The following MYO5B variants were observed in gnomAD, a reference collection of about 807,000 sequenced individuals.
The protein encoded by MYO5B is unconventional myosin-Vb.
A neutral mutation model predicts 229.3 loss-of-function variants in MYO5B; 143 were observed. The observed-to-expected ratio is 0.62, with a 90% CI of 0.54 to 0.72. The LOEUF is 0.72. MYO5B is among the 30% of genes least tolerant of loss of function. The probability of loss-of-function intolerance (pLI) is 0.00; values close to 1 mark genes in which losing one functional copy is unlikely to be tolerated. For synonymous variants in MYO5B, 918 were observed against 885.2 expected (o/e 1.04, Z -0.66); for missense variants, 2,321 against 2,331.0 (o/e 1.00, Z 0.09).
chr18:50,045,061 G>A (rs897850506), intron 2 of MYO5B, among the ~76,000 whole-genome samples: 1 of 152,184 alleles, frequency 6.6e-6, no homozygotes, highest in African/African-American at 2.4e-5. Context: ...GATGATTTCT[G>A]TTCTTGTCCT....
chr18:50,142,498 T>C (rs1326057598), intron 1 of MYO5B, among the ~76,000 whole-genome samples: 2 of 152,200 alleles, frequency 1.3e-5, no homozygotes, highest in African/African-American at 4.8e-5. Context: ...TCTACGTCTC[T>C]GACAAGGGCT....
chr18:50,047,120 AG>A (rs1305821720), intron 2 of MYO5B, among the ~76,000 whole-genome samples: 1 of 152,262 alleles, frequency 6.6e-6, no homozygotes, highest in Non-Finnish European at 1.5e-5. Flanking sequence ...GCTTCTGCAC[AG>A]CAAAAGAAAC....
At chr18:50,158,185 A>T (rs2032711505) in intron 1 of MYO5B, among the ~76,000 whole-genome samples, 1 of 152,220 alleles carries the variant, frequency 6.6e-6, no homozygotes. Flanking sequence ...TTACTTTTAT[A>T]TAGTAAGGTC....
intron 1 of MYO5B, among the ~76,000 whole-genome samples, chr18:50,080,503 C>G (rs1280371385): frequency 6.6e-6 from 1 of 152,148 alleles, no homozygotes; most frequent in Non-Finnish European, 1.5e-5. Flanking sequence ...TGGGGGAAAC[C>G]AATGGCGACT....
intron 1 of MYO5B, among the ~76,000 whole-genome samples, chr18:50,089,159 C>A (rs34151822): frequency 0.01 from 1,534 of 152,272 alleles, 11 homozygotes; most frequent in Middle Eastern, 0.058. Context: ...GTGGACAGAT[C>A]ATGAGGTCAG....
intron 23 of MYO5B, among the ~76,000 whole-genome samples, chr18:49,879,898 G>A (rs1221201669): frequency 2.0e-5 from 3 of 152,222 alleles, no homozygotes; most frequent in Non-Finnish European, 4.4e-5. Flanking sequence ...AAGAAACCAT[G>A]ATGCGTGGAT....
chr18:49,912,249 C>T, intron 17 of MYO5B, 76 bp from the exon 18 acceptor site: 1 of 1,067,236 alleles, frequency 9.4e-7, no homozygotes, highest in Non-Finnish European at 1.5e-6. Flanking sequence ...TGACCTCAGA[C>T]AGTTCCCTAT....
chr18:49,959,288 G>A (rs1280168730), intron 12 of MYO5B, among the ~76,000 whole-genome samples: 1 of 152,164 alleles, frequency 6.6e-6, no homozygotes, highest in African/African-American at 2.4e-5. Context: ...GAAAAGCAGG[G>A]GCTCAGTGCA....
chr18:50,010,245 T>C (rs923870610), intron 4 of MYO5B, among the ~76,000 whole-genome samples: 4 of 152,202 alleles, frequency 2.6e-5, no homozygotes, highest in African/African-American at 9.6e-5. Context: ...CTAAGCGCTA[T>C]TTATAAGCCT....
At chr18:49,870,783 AAAG>A (rs2144091851) in intron 27 of MYO5B, among the ~76,000 whole-genome samples, 1 of 152,322 alleles carries the variant, frequency 6.6e-6, no homozygotes, top group African/African-American at 2.4e-5. Flanking sequence ...AAATAAAAGA[AAAG>A]AAAATACTAC....
chr18:49,931,760 C>T (rs2025195512), intron 16 of MYO5B, among the ~76,000 whole-genome samples: 1 of 152,316 alleles, frequency 6.6e-6, no homozygotes, highest in East Asian at 1.9e-4. Flanking sequence ...GCTGCGGGCT[C>T]CCCTGCTCAC....
chr18:49,906,335 G>T, intron 19 of MYO5B, 84 bp downstream of exon 19: 2 of 1,368,980 alleles, frequency 1.5e-6, no homozygotes, highest in Non-Finnish European at 1.0e-6. Flanking sequence ...CACAGAGGAA[G>T]AGAGAAGCCA....
intron 36 of MYO5B, among the ~76,000 whole-genome samples, chr18:49,838,618 G>A (rs997822514): frequency 6.6e-6 from 1 of 151,682 alleles, no homozygotes; most frequent in African/African-American, 2.4e-5. Context: ...AGCACAGTGA[G>A]TAATGCATCT....
Position 50,040,279 on chromosome 18 carries a change from C to G in MYO5B, c.174G>C (p.Gln58His). Reference protein sequence around the residue: ...LEYPIDVQRNQLPFLRNPDIL... With the variant: ...LEYPIDVQRNHLPFLRNPDIL... ...TATCTGGATTCCGTAAGAAGGGCAGCTGGTTGCGTTGTACATCAATTGGGT... is the reference window on the plus strand; with the variant it reads ...TATCTGGATTCCGTAAGAAGGGCAGGTGGTTGCGTTGTACATCAATTGGGT... Residue 58 changes from glutamine to histidine, a missense_variant, in exon 3 of 40, where the codon CAG becomes CAC. By Grantham distance (24) the Gln-to-His change is conservative. Transcript: ENST00000285039. 1 of 1,614,072 alleles carries G rather than the reference C, an allele frequency of 6.2e-7. No individual in the cohort carries two copies. Among genetic ancestry groups the G allele is most frequent in the Non-Finnish European group, 8.5e-7 (1 of 1,180,014 alleles).
intron 4 of MYO5B, among the ~76,000 whole-genome samples, chr18:50,016,407 T>C (rs2026216049): frequency 2.0e-5 from 3 of 152,224 alleles, no homozygotes; most frequent in South Asian, 4.1e-4. Context: ...TTTATTTCCA[T>C]ATTGGTTAGC....
At chr18:50,049,735 T>G (rs1380730702) in intron 2 of MYO5B, among the ~76,000 whole-genome samples, 1 of 152,206 alleles carries the variant, frequency 6.6e-6, no homozygotes, top group African/African-American at 2.4e-5. Context: ...CATTGCCAAA[T>G]GTTCGGGGCA....
In MYO5B at chr18:49,864,232, T is replaced by C. The variant is rs768089604; in HGVS notation, c.3752A>G (p.His1251Arg). ...CTCCTTGCGCACCTCGAGCTCCTCG[T>C]GGGCCAGCTTGAGCTGGTTCAGCAG... is the stretch of plus-strand genomic sequence containing the variant. ...SLLLNQLKLA[H>R]EELEVRKEEV... The change falls in exon 28 of 40, where the codon CAC (histidine) becomes CGC (arginine). Residue 1251 changes from histidine (H) to arginine (R), a missense_variant. His to Arg is a conservative substitution (Grantham distance 29). This residue lies in a region of MYO5B where 2,113 missense variants were observed against 2,044.7 expected (regional missense o/e 1.03). Coordinates refer to ENST00000285039, the MANE Select transcript of MYO5B (RefSeq NM_001080467.3). 3 of 1,613,920 alleles carry C rather than the reference T, an allele frequency of 1.9e-6. No homozygotes were observed. The highest frequency in any genetic ancestry group is 1.3e-5 in the African/African-American group (1 of 74,950).
At chr18:49,949,773 G>A (rs185975989) in intron 14 of MYO5B, among the ~76,000 whole-genome samples, 165 of 152,260 alleles carry the variant, frequency 1.1e-3, no homozygotes, top group African/African-American at 3.4e-3. Flanking sequence ...AAAATTAAGC[G>A]TTACAATTTT....
rs1402087917 is a variant in MYO5B at position 49,920,866 on chromosome 18, CGT to C, written c.2090+8644_2090+8645del. ...CTGCTGAGTATGTCCCCATGACTGACGTGCAGCCATGCGTGAAAACCCGTGGG... is the reference window on the plus strand; with the variant it reads ...CTGCTGAGTATGTCCCCATGACTGACGCAGCCATGCGTGAAAACCCGTGGG... On this transcript the variant is annotated intron_variant, in intron 17 of 39. Coordinates refer to ENST00000285039, the MANE Select transcript of MYO5B (RefSeq NM_001080467.3). Among the ~76,000 whole-genome samples, 7 of 152,250 alleles carry C rather than the reference CGT, an allele frequency of 4.6e-5. 1 individual carries two copies. The highest frequency in any genetic ancestry group is 4.6e-4 in the Admixed American group (7 of 15,302).
Sources: gnomAD v4.1 joint callset for allele counts (sites outside exome capture counted in the v4.1 genomes callset) on GRCh38, gnomAD v4.1.1 for gene constraint, gnomAD v4.1.1 regional missense constraint, MANE v1.5 for transcripts, NCBI Gene and HGNC (gene_info 2026-07-23, HGNC 2026-07-21) for gene names.